The following B4GALNT1 variants were observed in gnomAD, a reference collection of about 807,000 sequenced individuals.
B4GALNT1 encodes the protein beta-1,4-N-acetyl-galactosaminyltransferase 1.
Under a neutral mutation model 55.2 loss-of-function variants are expected in B4GALNT1, and 43 were observed. The ratio of observed to expected loss-of-function variants is 0.78; its 90% CI spans 0.61 to 1.00. The LOEUF (loss-of-function observed/expected upper bound fraction) is 1.00. Ranked by LOEUF, B4GALNT1 falls within the 50% of genes least tolerant of loss-of-function variation. The pLI is 0.00. For missense variants in B4GALNT1, 664 were observed against 729.7 expected, an observed-to-expected ratio of 0.91 and a Z score of 1.04; for synonymous variants, 305 against 311.6, an observed-to-expected ratio of 0.98 and a Z score of 0.22.
intron 9 of B4GALNT1, 27 bp from the exon 10 acceptor site, chr12:57,627,885 G>A: frequency 1.3e-6 from 2 of 1,547,600 alleles, no homozygotes; most frequent in Non-Finnish European, 1.7e-6. Flanking sequence ...GTTGCCTCCA[G>A]GCGGGCCTGG....
rs1233117130 is a variant in B4GALNT1 at position 57,631,345 on chromosome 12, A to C, written c.238T>G (p.Cys80Gly). 1.9e-6 allele frequency: 3 copies of C among 1,613,936 alleles called. No homozygotes were observed. The highest frequency in any genetic ancestry group is 2.5e-6 in the Non-Finnish European group (3 of 1,179,990). ...QVVGLLAWNN[C>G]SCESSGGGLP... ...CCCCCCCCACTGGACTCACAACTGCAGTTGTTCCAAGCCAGCAGCCTGAAG... is the reference window on the plus strand; with the variant it reads ...CCCCCCCCACTGGACTCACAACTGCCGTTGTTCCAAGCCAGCAGCCTGAAG... Residue 80 changes from cysteine to glycine, a missense_variant, in exon 3 of 11, where the codon TGC becomes GGC. Cys to Gly is a radical substitution (Grantham distance 159, BLOSUM62 -3). Transcript: ENST00000341156.
chr12:57,632,070 C>A lies in B4GALNT1; in HGVS notation c.63G>T (p.Gly21=). ...CGTCCCGGGTGCTCGCGTACAGGAG[C>A]CCCAGCGAGGCGCAGGCGAGCAGAA... ...LVLLLACASL[G]LLYASTRDAP... is the part of the protein sequence containing the mutation. The change falls in exon 2 of 11, where the codon GGG becomes GGT. Residue 21 remains glycine (G), a synonymous_variant. Coordinates refer to ENST00000341156, the MANE Select transcript of B4GALNT1 (RefSeq NM_001478.5). 1.4e-6 allele frequency: 2 copies of A among 1,443,016 alleles called. No homozygotes were observed. The highest frequency in any genetic ancestry group is 2.9e-5 in the Admixed American group (1 of 34,594). The allele number at this position is 1,443,016 out of a possible 1,614,324, so 89.4% of individuals were successfully genotyped here. A position where few individuals can be genotyped will look rare whatever the true frequency, so the allele number is the denominator to read the frequency against.
rs1227835124 is a variant in B4GALNT1, at chr12:57,624,346, C to T, written c.*2398G>A. On this transcript the variant is annotated 3_prime_UTR_variant, in exon 11 of 11. Coordinates refer to ENST00000341156, the MANE Select transcript of B4GALNT1 (RefSeq NM_001478.5). ...ACATTTGGTGTGTGTCCCATTGAAT[C>T]AACCCTGTTGTTTCCTTCTGTCATG... 5 of 630,662 alleles carry T rather than the reference C, an allele frequency of 7.9e-6. No individual in the cohort carries two copies. The highest frequency in any genetic ancestry group is 4.7e-5 in the Admixed American group (2 of 42,340). 39.1% of individuals were successfully genotyped at this position (630,662 alleles called of 1,614,324 possible).
chr12:57,627,503 T>G (rs1464965703), intron 10 of B4GALNT1, 115 bp downstream of exon 10: 2 of 1,366,774 alleles, frequency 1.5e-6, no homozygotes, highest in Non-Finnish European at 1.9e-6. Context: ...AGAACTGTTC[T>G]GGGGTTCCCG....
Position 57,632,058 on chromosome 12 carries a change from C to A in B4GALNT1, c.75G>T (p.Ala25=). Residue 25 remains alanine, a synonymous_variant, in exon 2 of 11, where the codon GCG becomes GCT. Transcript: ENST00000341156. ...GGAGGCCGGGCGCGTCCCGGGTGCT[C>A]GCGTACAGGAGCCCCAGCGAGGCGC... ...LACASLGLLY[A]STRDAPGLRL... 6.9e-7 allele frequency: 1 copy of A among 1,441,808 alleles called. No individual in the cohort carries two copies. The highest frequency in any genetic ancestry group is 1.5e-5 in the South Asian group (1 of 65,304). The allele number at this position is 1,441,808 out of a possible 1,614,324, so 89.3% of individuals were successfully genotyped here. A position where few individuals can be genotyped will look rare whatever the true frequency, so the allele number is the denominator to read the frequency against.
Position 57,623,972 on chromosome 12 carries a change from G to A in B4GALNT1, c.*2772C>T, listed in dbSNP as rs776672734. 1.7e-5 allele frequency: 27 copies of A among 1,612,414 alleles called. No homozygotes were observed. The Middle Eastern group carries it at 4.9e-4, about 30-fold the overall frequency. ...AGGGGTAGCTGTATTCCAGGACATCGAGGTAGTCAGCCCACCTCCTCTGCC... is the reference window on the plus strand; with the variant it reads ...AGGGGTAGCTGTATTCCAGGACATCAAGGTAGTCAGCCCACCTCCTCTGCC... On this transcript the variant is annotated 3_prime_UTR_variant, in exon 11 of 11. Transcript: ENST00000341156.
Position 57,627,876 on chromosome 12 carries a change from T to C in B4GALNT1, c.1144-18A>G, listed in dbSNP as rs1464509562. The C allele has an allele frequency of 6.4e-7, 1 of 1,560,702 alleles. No individual in the cohort carries two copies. The highest frequency in any genetic ancestry group is 2.3e-5 in the East Asian group (1 of 43,568). ...CCCCCCACCTGCAGGGAGAGGGAGG[T>C]TGCCTCCAGGCGGGCCTGGGATAGG... is the stretch of plus-strand genomic sequence containing the variant. On this transcript the variant is annotated intron_variant, in intron 9 of 10. Coordinates refer to ENST00000341156, the MANE Select transcript of B4GALNT1 (RefSeq NM_001478.5).
Position 57,624,695 on chromosome 12 carries a change from T to C in B4GALNT1, c.*2049A>G, listed in dbSNP as rs1186294712. On this transcript the variant is annotated 3_prime_UTR_variant, in exon 11 of 11. Transcript: ENST00000341156. ...ACTCTCCAGCCAGGCCAGGCTAAGC[T>C]GGAAATCTGGCCCCACCTTCTTCCC... The C allele has an allele frequency of 2.6e-6, 2 of 772,038 alleles. No individual in the cohort carries two copies. Among genetic ancestry groups the C allele is most frequent in the South Asian group, 2.8e-5 (2 of 72,586 alleles). The allele number at this position is 772,038 out of a possible 1,614,324, so 47.8% of individuals were successfully genotyped here.
intron 4 of B4GALNT1, 38 bp from the exon 5 acceptor site, chr12:57,630,556 C>A: frequency 6.4e-7 from 1 of 1,569,506 alleles, no homozygotes; most frequent in Non-Finnish European, 8.6e-7. Context: ...ATCACATAGG[C>A]AGCCCTGAAT....
At chr12:57,631,411 T>G (rs375655876) in intron 2 of B4GALNT1, 47 bp from the exon 3 acceptor site, 12 of 1,602,856 alleles carry the variant, frequency 7.5e-6, no homozygotes, top group Non-Finnish European at 1.0e-5. Context: ...GCTACACAGC[T>G]CCATTCATCC....
intron 1 of B4GALNT1, 172 bp from the exon 2 acceptor site, chr12:57,632,305 C>G: frequency 4.1e-6 from 3 of 723,746 alleles, no homozygotes; most frequent in Non-Finnish European, 7.5e-6. Context: ...GGTACCCCTC[C>G]CCTCACTTCC....
Position 57,632,113 on chromosome 12 carries a change from G to A in B4GALNT1, c.20C>T (p.Ala7Val), listed in dbSNP as rs1197710872. The A allele has an allele frequency of 2.0e-6, 3 of 1,501,886 alleles. No individual in the cohort carries two copies. Among genetic ancestry groups the A allele is most frequent in the Admixed American group, 4.7e-5 (2 of 42,728 alleles). 93.0% of individuals were successfully genotyped at this position (1,501,886 alleles called of 1,614,324 possible). MWLGRR[A>V]LCALVLLLAC... ...GAGCAGAAGGACCAGAGCGCACAGG[G>A]CCCGGCGGCCCAGCCACATCCTAGG... Residue 7 changes from alanine to valine, a missense_variant, in exon 2 of 11, where the codon GCC becomes GTC. Ala to Val is a moderately conservative substitution (Grantham distance 64). Transcript: ENST00000341156.
intron 6 of B4GALNT1, chr12:57,629,935 G>A (rs939477127): frequency 6.5e-7 from 1 of 1,536,286 alleles, no homozygotes; most frequent in Non-Finnish European, 8.7e-7. Context: ...ACACACCCAA[G>A]GCTCGGGTTT....
At chr12:57,629,375 C>A (rs1341877087) in intron 6 of B4GALNT1, 2 of 425,224 alleles carry the variant, frequency 4.7e-6, no homozygotes, top group East Asian at 7.0e-5. Context: ...ATGTGCCAGA[C>A]CCGTTAAAAA....
rs756599558 is a variant in B4GALNT1 at position 57,624,025 on chromosome 12, T to A, written c.*2719A>T. ...AAGGCTGTCCTGGCTTGCATCAACATCTCCAGCATGCGCCAGGTGTTCTGC... is the reference window on the plus strand; with the variant it reads ...AAGGCTGTCCTGGCTTGCATCAACAACTCCAGCATGCGCCAGGTGTTCTGC... On this transcript the variant is annotated 3_prime_UTR_variant, in exon 11 of 11. Transcript: ENST00000341156. 6 of 1,611,590 alleles carry A rather than the reference T, an allele frequency of 3.7e-6. No homozygotes were observed. The highest frequency in any genetic ancestry group is 4.2e-6 in the Non-Finnish European group (5 of 1,178,646).
Position 57,624,041 on chromosome 12 carries a change from G to C in B4GALNT1, c.*2703C>G. On this transcript the variant is annotated 3_prime_UTR_variant, in exon 11 of 11. Coordinates refer to ENST00000341156, the MANE Select transcript of B4GALNT1 (RefSeq NM_001478.5). ...GCATCAACATCTCCAGCATGCGCCA[G>C]GTGTTCTGCCAGATGCAGGAACTTC... The C allele has an allele frequency of 6.2e-7, 1 of 1,612,948 alleles. No individual in the cohort carries two copies. The highest frequency in any genetic ancestry group is 8.5e-7 in the Non-Finnish European group (1 of 1,179,396).
rs756790411 is a variant in B4GALNT1 at position 57,627,697 on chromosome 12, C to T, written c.1305G>A (p.Val435=). The change falls in exon 10 of 11, where the codon GTG becomes GTA. Residue 435 remains valine, a synonymous_variant. Transcript: ENST00000341156. ...GFPGCVVTDG[V]VNFFLARTDK... is the part of the protein sequence containing the mutation. ...CAGTCCGCGCCAGGAAGAAGTTAAC[C>T]ACGCCGTCGGTGACCACGCAGCCTG... The T allele has an allele frequency of 5.0e-6, 8 of 1,612,110 alleles. No individual in the cohort carries two copies. In the Admixed American group the frequency reaches 5.0e-5, roughly 10 times the overall value.
chr12:57,625,823 G>A lies in B4GALNT1; in HGVS notation c.*921C>T. The A allele has an allele frequency of 2.8e-6, 4 of 1,444,432 alleles. No individual in the cohort carries two copies. Among genetic ancestry groups the A allele is most frequent in the Non-Finnish European group, 3.6e-6 (4 of 1,099,314 alleles). The allele number at this position is 1,444,432 out of a possible 1,614,324, so 89.5% of individuals were successfully genotyped here. ...AGGAAGATCAAGAAGAAAAGGGTGG[G>A]GACGGAATGAATAGTAGATTGAAGA... is the stretch of plus-strand genomic sequence containing the variant. On this transcript the variant is annotated 3_prime_UTR_variant, in exon 11 of 11. Transcript: ENST00000341156.
At position 57,625,603 on chromosome 12, in the gene B4GALNT1, C is replaced by T; in HGVS notation, c.*1141G>A. On this transcript the variant is annotated 3_prime_UTR_variant, in exon 11 of 11. Coordinates refer to ENST00000341156, the MANE Select transcript of B4GALNT1 (RefSeq NM_001478.5). ...ATAGCCTTGGTGCAGGGGACACTGACCCGGGTAGGACTCCTGGACAGGGTG... is the reference window on the plus strand; with the variant it reads ...ATAGCCTTGGTGCAGGGGACACTGATCCGGGTAGGACTCCTGGACAGGGTG... The T allele has an allele frequency of 6.3e-7, 1 of 1,592,610 alleles. No homozygotes were observed. Among genetic ancestry groups the T allele is most frequent in the Non-Finnish European group, 8.6e-7 (1 of 1,168,264 alleles).
Sources: gnomAD v4.1 joint callset for allele counts on GRCh38, gnomAD v4.1.1 for gene constraint, MANE v1.5 for transcripts, NCBI Gene and HGNC (gene_info 2026-07-23, HGNC 2026-07-21) for gene names.